CNTNAP2: variants seen among roughly 807,000 people sequenced by gnomAD.
The protein encoded by CNTNAP2 is contactin associated protein 2.
A neutral mutation model predicts 155.2 loss-of-function variants in CNTNAP2; 98 were observed. That is an observed-to-expected ratio of 0.63 (90% CI 0.54 to 0.75). CNTNAP2 has a LOEUF of 0.75. Ranked by LOEUF, CNTNAP2 falls within the 30% of genes least tolerant of loss-of-function variation. The pLI is 0.00. For missense variants in CNTNAP2, 1,727 were observed against 1,688.1 expected, an observed-to-expected ratio of 1.02 and a Z score of -0.40; for synonymous variants, 651 against 631.2, an observed-to-expected ratio of 1.03 and a Z score of -0.47.
At chr7:147,676,747 A>T (rs137871172) in intron 13 of CNTNAP2, among the ~76,000 whole-genome samples, 1 of 152,068 alleles carries the variant, frequency 6.6e-6, no homozygotes, top group African/African-American at 2.4e-5. Flanking sequence ...TTATGAGGGC[A>T]ATCATGCAAT....
At chr7:147,958,083 A>C (rs1452924697) in intron 14 of CNTNAP2, among the ~76,000 whole-genome samples, 1 of 152,136 alleles carries the variant, frequency 6.6e-6, no homozygotes, top group Non-Finnish European at 1.5e-5. Context: ...AAATAAATAA[A>C]CCAATAGGAC....
chr7:147,053,993 G>A lies in CNTNAP2; in HGVS notation c.550+9939G>A, dbSNP rs1799515875. ...AGGAAACCAAAACCCACAGAGTTATGCGACTTGCATAAGCGAATTAATCGC... is the reference window on the plus strand; with the variant it reads ...AGGAAACCAAAACCCACAGAGTTATACGACTTGCATAAGCGAATTAATCGC... On this transcript the variant is annotated intron_variant, in intron 4 of 23. Coordinates refer to ENST00000361727, the MANE Select transcript of CNTNAP2 (RefSeq NM_014141.6). Among the ~76,000 whole-genome samples, 2 of 152,110 alleles carry A rather than the reference G, an allele frequency of 1.3e-5. 1 individual carries two copies. Among genetic ancestry groups the A allele is most frequent in the African/African-American group, 4.8e-5 (2 of 41,432 alleles).
At chr7:147,049,053 A>T (rs1799420390) in intron 4 of CNTNAP2, among the ~76,000 whole-genome samples, 1 of 152,178 alleles carries the variant, frequency 6.6e-6, no homozygotes. Context: ...GAGGCTGGGG[A>T]GCTCAAGGTC....
intron 13 of CNTNAP2, among the ~76,000 whole-genome samples, chr7:147,900,299 A>G (rs1454388750): frequency 2.0e-5 from 3 of 152,180 alleles, no homozygotes; most frequent in African/African-American, 7.2e-5. Context: ...ACTTGGTGGG[A>G]GGTGACTGGA....
chr7:146,187,900 G>C (rs917054823), intron 1 of CNTNAP2, among the ~76,000 whole-genome samples: 1 of 152,058 alleles, frequency 6.6e-6, no homozygotes, highest in Non-Finnish European at 1.5e-5. Flanking sequence ...CCATTAATAC[G>C]TTTCTATTGC....
intron 15 of CNTNAP2, among the ~76,000 whole-genome samples, chr7:148,022,480 A>AAAAAGAAAAAAAG (rs748141471): frequency 0.047 from 6,445 of 138,284 alleles, 465 homozygotes; most frequent in African/African-American, 0.16. Flanking sequence ...AAAAAAAAAA[A>AAAAAGAAAAAAAG]AAAAGAAAAG....
In CNTNAP2 at chr7:146,163,483, CTATCTA is replaced by C. The variant is rs1325633979; in HGVS notation, c.97+46526_97+46531del. Among the ~76,000 whole-genome samples, 279 of 142,952 alleles carry C rather than the reference CTATCTA, an allele frequency of 2.0e-3. 2 individuals carry two copies. The highest frequency in any genetic ancestry group is 4.3e-3 in the Admixed American group (58 of 13,584). 93.8% of individuals were successfully genotyped at this position (142,952 alleles called of 152,430 possible). On this transcript the variant is annotated intron_variant, in intron 1 of 23. Coordinates refer to ENST00000361727, the MANE Select transcript of CNTNAP2 (RefSeq NM_014141.6). The stretch of plus-strand genomic sequence containing the variant: ...TCACATTATATATATCTATATATAT[CTATCTA>C]TATCTATATCTATATATCTATATAT...
At chr7:147,842,545 T>C (rs1798763135) in intron 13 of CNTNAP2, among the ~76,000 whole-genome samples, 1 of 151,044 alleles carries the variant, frequency 6.6e-6, no homozygotes, top group Non-Finnish European at 1.5e-5. Flanking sequence ...TTTAAATATT[T>C]CAGTTGCATT....
At chr7:146,753,238 TA>T (rs1257418951) in intron 1 of CNTNAP2, among the ~76,000 whole-genome samples, 2 of 151,974 alleles carry the variant, frequency 1.3e-5, no homozygotes, top group African/African-American at 4.8e-5. Context: ...AACACTGATT[TA>T]TTTTTTTCAG....
At chr7:147,993,651 A>T (rs1801753484) in intron 15 of CNTNAP2, among the ~76,000 whole-genome samples, 1 of 152,250 alleles carries the variant, frequency 6.6e-6, no homozygotes, top group South Asian at 2.1e-4. Context: ...AGATGGCCAT[A>T]TCACATCTGA....
chr7:147,457,750 C>T (rs767274934), intron 10 of CNTNAP2, among the ~76,000 whole-genome samples: 3 of 151,988 alleles, frequency 2.0e-5, no homozygotes, highest in Non-Finnish European at 4.4e-5. Flanking sequence ...GTAATCAAGA[C>T]AATTTCAAGA....
intron 15 of CNTNAP2, chr7:148,044,573 A>G (rs898353450): frequency 6.6e-6 from 1 of 152,264 alleles, no homozygotes; most frequent in Non-Finnish European, 1.5e-5. Context: ...AAGAGGCCCA[A>G]GGAAGCTTGT....
chr7:146,937,353 A>G (rs1796938512), intron 3 of CNTNAP2, among the ~76,000 whole-genome samples: 1 of 141,068 alleles, frequency 7.1e-6, no homozygotes, highest in Non-Finnish European at 1.6e-5. Context: ...TCTTGTCTCA[A>G]AAAAAAAAAT....
intron 13 of CNTNAP2, among the ~76,000 whole-genome samples, chr7:147,777,247 T>A (rs144223204): frequency 0.013 from 2,022 of 152,278 alleles, 103 homozygotes; most frequent in Admixed American, 0.089. Context: ...TCCCCATGTA[T>A]CTCTTTAAGG....
chr7:146,523,023 G>A (rs1797636802), intron 1 of CNTNAP2, among the ~76,000 whole-genome samples: 1 of 151,496 alleles, frequency 6.6e-6, no homozygotes, highest in Non-Finnish European at 1.5e-5. Context: ...AATTTATTGG[G>A]GTACCGGTAG....
chr7:146,791,980 G>A (rs10156202), intron 2 of CNTNAP2, among the ~76,000 whole-genome samples: 3,872 of 152,212 alleles, frequency 0.025, 149 homozygotes, highest in African/African-American at 0.086. Flanking sequence ...AGAAAAAAGT[G>A]TGGTTGATTT....
intron 1 of CNTNAP2, among the ~76,000 whole-genome samples, chr7:146,555,487 CATCTGTCTGTCTATCT>C (rs1246049618): frequency 1.3e-3 from 156 of 122,512 alleles, no homozygotes; most frequent in African/African-American, 4.8e-3. Flanking sequence ...TACTCTGTAT[CATCTGTCTGTCTATCT>C]ATCTATCTAT....
chr7:147,070,628 G>A (rs900097722), intron 4 of CNTNAP2, among the ~76,000 whole-genome samples: 6 of 152,182 alleles, frequency 3.9e-5, no homozygotes, highest in East Asian at 1.9e-4. Flanking sequence ...AATTTGAAGA[G>A]CTTTGCATTT....
At chr7:146,311,636 A>G (rs1249476941) in intron 1 of CNTNAP2, 5 of 149,250 alleles carry the variant, frequency 3.4e-5, no homozygotes, top group Non-Finnish European at 4.5e-5. Context: ...AAAGAAAGAA[A>G]GACAGAAATT....
Sources: allele counts gnomAD v4.1 joint callset (sites outside exome capture counted in the v4.1 genomes callset), GRCh38; gene constraint gnomAD v4.1.1; transcripts MANE v1.5; gene names NCBI Gene and HGNC (gene_info 2026-07-23, HGNC 2026-07-21).